The following SAXO1 variants were observed in gnomAD, a reference collection of about 807,000 sequenced individuals.
SAXO1 encodes the protein stabilizer of axonemal microtubules 1, also known as 4930500O09Rik.
A neutral mutation model predicts 17.5 loss-of-function variants in SAXO1; 21 were observed. The observed-to-expected ratio is 1.20, with a 90% CI of 0.85 to 1.72. SAXO1 has a LOEUF of 1.72. Ranked by LOEUF, SAXO1 falls within the 40% of genes most tolerant of loss-of-function variation. The pLI is 0.00. For synonymous variants in SAXO1, 274 were observed against 216.5 expected (o/e 1.27, Z -2.33); for missense variants, 843 against 596.0 (o/e 1.41, Z -4.32).
chr9:18,947,965 T>C (rs1244414277), intron 2 of SAXO1, among the ~76,000 whole-genome samples: 2 of 152,212 alleles, frequency 1.3e-5, no homozygotes, highest in African/African-American at 4.8e-5. Context: ...GACTTTTTCA[T>C]TCAGCAGGTG....
rs115746483 is a variant in SAXO1 at position 19,017,963 on chromosome 9, G to A, written c.38+14908C>T. 2.8e-3 allele frequency among the ~76,000 whole-genome samples: 427 copies of A among 152,164 alleles called. 1 individual carries two copies. Among genetic ancestry groups the A allele is most frequent in the African/African-American group, 1.0e-2 (413 of 41,504 alleles). On this transcript the variant is annotated intron_variant, in intron 1 of 3. Transcript: ENST00000380534. The stretch of plus-strand genomic sequence containing the variant: ...CAGGAAGATCACTTGAGCCTAGGAG[G>A]TGACGATGACCCTGGGCAACATGGC...
intron 1 of SAXO1, among the ~76,000 whole-genome samples, chr9:18,953,587 G>A (rs1475141825): frequency 6.6e-6 from 1 of 152,118 alleles, no homozygotes; most frequent in African/African-American, 2.4e-5. Flanking sequence ...TTCACTGCCT[G>A]AGTGTGCTCA....
chr9:18,956,169 T>C (rs1832252602), intron 1 of SAXO1, among the ~76,000 whole-genome samples: 1 of 148,390 alleles, frequency 6.7e-6, no homozygotes, highest in Admixed American at 6.8e-5. Context: ...CAGGCTGGTC[T>C]CAAACTCCTG....
chr9:19,048,718 T>G (rs1350816031), intron 1 of SAXO1, among the ~76,000 whole-genome samples: 1 of 152,244 alleles, frequency 6.6e-6, no homozygotes, highest in African/African-American at 2.4e-5. Flanking sequence ...CTCTCTAACC[T>G]TTGATTCCCT....
intron 1 of SAXO1, chr9:19,028,065 CG>C (rs1835582897): frequency 4.3e-6 from 7 of 1,611,786 alleles, no homozygotes; most frequent in African/African-American, 4.0e-5. Flanking sequence ...AGCTCACCCA[CG>C]AGGACTACAT....
intron 1 of SAXO1, among the ~76,000 whole-genome samples, chr9:19,004,759 C>A (rs1375221180): frequency 6.6e-6 from 1 of 152,072 alleles, no homozygotes; most frequent in Non-Finnish European, 1.5e-5. Context: ...GGAGAAATAC[C>A]TAATGTAAAC....
chr9:18,961,941 T>C (rs1464652102), intron 1 of SAXO1, among the ~76,000 whole-genome samples: 2 of 152,214 alleles, frequency 1.3e-5, no homozygotes, highest in African/African-American at 2.4e-5. Context: ...TTGAACTAAT[T>C]TACAATTCCA....
At chr9:19,013,281 TCACCACTGCGGGGGTAACAAAGCCAG>T (rs1470465700) in intron 1 of SAXO1, among the ~76,000 whole-genome samples, 1 of 152,184 alleles carries the variant, frequency 6.6e-6, no homozygotes, top group Non-Finnish European at 1.5e-5. Flanking sequence ...CTAAAGATCT[TCACCACTGCGGGGGTAACAAAGCCAG>T]GCTATAATAG....
chr9:19,013,540 ATTTTTTTT>A (rs1219136885), intron 1 of SAXO1, among the ~76,000 whole-genome samples: 36 of 93,196 alleles, frequency 3.9e-4, no homozygotes, highest in Admixed American at 7.8e-4. Context: ...AAAAGTACGG[ATTTTTTTT>A]TTTTTTTTTT....
intron 1 of SAXO1, chr9:19,027,501 A>G (rs1433888838): frequency 1.2e-6 from 1 of 858,894 alleles, no homozygotes; most frequent in East Asian, 2.4e-5. Context: ...TCCAACATCC[A>G]AAAGGGGTGC....
chr9:19,044,877 G>C (rs1563999636), intron 1 of SAXO1, among the ~76,000 whole-genome samples: 1 of 151,918 alleles, frequency 6.6e-6, no homozygotes, highest in Non-Finnish European at 1.5e-5. Flanking sequence ...AAAAACGAAA[G>C]CTGAATCCTT....
chr9:19,022,044 T>G (rs989375609), intron 1 of SAXO1, among the ~76,000 whole-genome samples: 1 of 152,284 alleles, frequency 6.6e-6, no homozygotes, highest in Non-Finnish European at 1.5e-5. Context: ...TAAATCTTGC[T>G]GCTGCTCACT....
chr9:19,045,948 CT>C (rs1469536808), intron 1 of SAXO1, among the ~76,000 whole-genome samples: 1 of 152,060 alleles, frequency 6.6e-6, no homozygotes, highest in Non-Finnish European at 1.5e-5. Context: ...GTAGCCGGGC[CT>C]GGGGGCGCAT....
intron 1 of SAXO1, among the ~76,000 whole-genome samples, chr9:18,953,740 CT>C (rs1272575881): frequency 6.6e-6 from 1 of 151,796 alleles, no homozygotes; most frequent in Non-Finnish European, 1.5e-5. Flanking sequence ...AGTCTGACAT[CT>C]TTTTGTTTTG....
intron 1 of SAXO1, among the ~76,000 whole-genome samples, chr9:18,960,121 C>A (rs942789398): frequency 6.6e-6 from 1 of 152,160 alleles, no homozygotes; most frequent in African/African-American, 2.4e-5. Flanking sequence ...GGCCCCTCCC[C>A]CCTTGGCAAT....
At chr9:18,931,411 T>C (rs892213218) in intron 3 of SAXO1, among the ~76,000 whole-genome samples, 2 of 152,352 alleles carry the variant, frequency 1.3e-5, no homozygotes, top group Admixed American at 6.5e-5. Flanking sequence ...ATTCACCAAT[T>C]GATGGACATT....
rs751490035 is a variant in SAXO1 at position 18,950,872 on chromosome 9, G to A, written c.104C>T (p.Ser35Phe). Residue 35 changes from serine (S) to phenylalanine (F), a missense_variant, in exon 2 of 4, where the codon TCC becomes TTC. Ser to Phe is a radical substitution (Grantham distance 155). Transcript: ENST00000380534. ...YDKTEKPCLL[S>F]EYTENYPFYH... ...GAAAGGGTAGTTCTCGGTATATTCG[G>A]AGAGAAGACATGGTTTCTCTGTTTT... 1 of 1,613,626 alleles carries A rather than the reference G, an allele frequency of 6.2e-7. No individual in the cohort carries two copies. Among genetic ancestry groups the A allele is most frequent in the Non-Finnish European group, 8.5e-7 (1 of 1,179,694 alleles).
At chr9:18,960,982 G>C (rs945289991) in intron 1 of SAXO1, among the ~76,000 whole-genome samples, 4 of 152,074 alleles carry the variant, frequency 2.6e-5, no homozygotes, top group Non-Finnish European at 4.4e-5. Context: ...CATCTTCATA[G>C]GGACTTGGGT....
At chr9:19,012,392 T>C (rs13284512) in intron 1 of SAXO1, among the ~76,000 whole-genome samples, 82,330 of 152,154 alleles carry the variant, frequency 0.54, 22,997 homozygotes, top group Non-Finnish European at 0.62. Flanking sequence ...AATCCTTAGG[T>C]CTGAATTATT....
Sources: allele counts gnomAD v4.1 joint callset (sites outside exome capture counted in the v4.1 genomes callset), GRCh38; gene constraint gnomAD v4.1.1; transcripts MANE v1.5; gene names NCBI Gene and HGNC (gene_info 2026-07-23, HGNC 2026-07-21).